POLR3B: variants seen among roughly 807,000 people sequenced by gnomAD.
POLR3B encodes DNA-directed RNA polymerase III subunit RPC2.
Under a neutral mutation model 147.4 loss-of-function variants are expected in POLR3B, and 96 were observed. The ratio of observed to expected loss-of-function variants is 0.65; its 90% CI spans 0.55 to 0.77. POLR3B has a LOEUF of 0.77. POLR3B is among the 30% of genes least tolerant of loss of function. The pLI, the probability that POLR3B is intolerant of heterozygous loss-of-function variation, is 0.00. For synonymous variants in POLR3B, 461 were observed against 485.9 expected (o/e 0.95, Z 0.67); for missense variants, 1,036 against 1,413.5 (o/e 0.73, Z 4.28).
intron 6 of POLR3B, among the ~76,000 whole-genome samples, chr12:106,374,079 C>T (rs2036645310): frequency 6.6e-6 from 1 of 151,906 alleles, no homozygotes; most frequent in Non-Finnish European, 1.5e-5. Flanking sequence ...TTTTGAAATG[C>T]ATACTTAACA....
chr12:106,427,179 CTT>C lies in POLR3B; in HGVS notation c.1102-4_1102-3del, dbSNP rs202125845. Reference sequence around the variant, plus strand: ...TGCTTTTTGAAAAATCACCATATACCTTTTTTTTTTTTTTTAGCTTTTATCTC... The same window carrying C: ...TGCTTTTTGAAAAATCACCATATACCTTTTTTTTTTTTTAGCTTTTATCTC... On this transcript the variant is annotated splice_polypyrimidine_tract_variant and intron_variant, in intron 12 of 27. Coordinates refer to ENST00000228347, the MANE Select transcript of POLR3B (RefSeq NM_018082.6). The C allele has an allele frequency of 0.04, 48,391 of 1,201,826 alleles. 16 individuals carry two copies. Among genetic ancestry groups the C allele is most frequent in the East Asian group, 0.17 (5,918 of 34,680 alleles). The allele number at this position is 1,201,826 out of a possible 1,614,324, so 74.4% of individuals were successfully genotyped here.
intron 7 of POLR3B, among the ~76,000 whole-genome samples, chr12:106,378,021 G>A (rs747507629): frequency 2.6e-5 from 4 of 152,194 alleles, no homozygotes; most frequent in Non-Finnish European, 5.9e-5. Context: ...TTAGCAGTCC[G>A]AGGTTGCAGT....
chr12:106,378,779 TAA>T (rs1364320032), intron 8 of POLR3B, among the ~76,000 whole-genome samples: 2 of 152,138 alleles, frequency 1.3e-5, no homozygotes, highest in East Asian at 3.8e-4. Context: ...ATTTGACACT[TAA>T]TATTGAATGA....
chr12:106,437,886 G>A, intron 18 of POLR3B, 107 bp downstream of exon 18: 1 of 723,616 alleles, frequency 1.4e-6, no homozygotes, highest in Non-Finnish European at 2.5e-6. Flanking sequence ...CTTTTGACAG[G>A]AACTGTTAGA....
At position 106,509,593 on chromosome 12, in the gene POLR3B, A is replaced by G; in HGVS notation, c.*44A>G. The G allele has an allele frequency of 6.4e-7, 1 of 1,555,236 alleles. No individual in the cohort carries two copies. Among genetic ancestry groups the G allele is most frequent in the East Asian group, 2.3e-5 (1 of 44,270 alleles). On this transcript the variant is annotated 3_prime_UTR_variant, in exon 28 of 28. Transcript: ENST00000228347. ...TTAAAGAGAACAAGTGATACATCCAATGCAACGGAAAGCAGAAGGGATTTA... is the reference window on the plus strand; with the variant it reads ...TTAAAGAGAACAAGTGATACATCCAGTGCAACGGAAAGCAGAAGGGATTTA...
At chr12:106,501,283 A>G (rs1463992032) in intron 25 of POLR3B, 40 bp from the exon 26 acceptor site, 1 of 1,309,198 alleles carries the variant, frequency 7.6e-7, no homozygotes, top group Non-Finnish European at 1.1e-6. Context: ...GTTAGCCCAA[A>G]CTTAGTTTCT....
At chr12:106,479,436 A>T (rs1187675787) in intron 23 of POLR3B, among the ~76,000 whole-genome samples, 1 of 149,288 alleles carries the variant, frequency 6.7e-6, no homozygotes, top group Non-Finnish European at 1.5e-5. Flanking sequence ...GCTGGAGTGC[A>T]GTGGCGCAAT....
intron 23 of POLR3B, among the ~76,000 whole-genome samples, chr12:106,476,684 C>T (rs2038175544): frequency 6.7e-6 from 1 of 149,504 alleles, no homozygotes; most frequent in African/African-American, 2.5e-5. Context: ...CTGCATTCTT[C>T]ACGTAGTTCT....
In POLR3B at chr12:106,378,476, A is replaced by G. The variant is rs951415979; in HGVS notation, c.614+92A>G. The G allele has an allele frequency of 4.1e-6, 3 of 736,250 alleles. No individual in the cohort carries two copies. The African/African-American group carries it at 5.3e-5, about 13-fold the overall frequency. 45.6% of individuals were successfully genotyped at this position (736,250 alleles called of 1,614,324 possible). A position where few individuals can be genotyped will look rare whatever the true frequency, so the allele number is the denominator to read the frequency against. ...TTCAATACAGAGGGAGCCAGTTATT[A>G]CCCTCTAAAAGCAGGCATTGTAATA... On this transcript the variant is annotated intron_variant, in intron 8 of 27. Coordinates refer to ENST00000228347, the MANE Select transcript of POLR3B (RefSeq NM_018082.6).
intron 7 of POLR3B, among the ~76,000 whole-genome samples, chr12:106,377,327 T>C (rs947942824): frequency 6.6e-6 from 1 of 152,212 alleles, no homozygotes; most frequent in Non-Finnish European, 1.5e-5. Flanking sequence ...CCTGTAAAGT[T>C]GCATTGTTTT....
At position 106,358,132 on chromosome 12, in the gene POLR3B, GAGTGA is replaced by G. The variant is rs139244819; in HGVS notation, c.72+184_72+188del. 329,798 of 1,480,626 alleles carry G rather than the reference GAGTGA, an allele frequency of 0.22. 38,558 individuals are homozygous for G. Among genetic ancestry groups the G allele is most frequent in the African/African-American group, 0.36 (25,934 of 71,418 alleles). 91.7% of individuals were successfully genotyped at this position (1,480,626 alleles called of 1,614,324 possible). A position where few individuals can be genotyped will look rare whatever the true frequency, so the allele number is the denominator to read the frequency against. On this transcript the variant is annotated intron_variant, in intron 1 of 27. Transcript: ENST00000228347. ...TTCCAGAGCCGGCCTCCGCGTGCGC[GAGTGA>G]AGGCTGATCCCAGAGGAGCTGTCAG...
chr12:106,491,558 A>G (rs945810552), intron 23 of POLR3B, among the ~76,000 whole-genome samples: 8 of 152,230 alleles, frequency 5.3e-5, no homozygotes, highest in Non-Finnish European at 8.8e-5. Flanking sequence ...ACTGTGCAGA[A>G]TAAATAGCCT....
At chr12:106,361,980 GTCC>G (rs141863601) in intron 1 of POLR3B, among the ~76,000 whole-genome samples, 1,756 of 152,300 alleles carry the variant, frequency 0.012, 34 homozygotes, top group African/African-American at 0.04. Flanking sequence ...GTAGGTCAGA[GTCC>G]TGACTATAAC....
At position 106,430,410 on chromosome 12, in the gene POLR3B, T is replaced by C; in HGVS notation, c.1401T>C (p.Gly467=). 1 of 1,613,698 alleles carries C rather than the reference T, an allele frequency of 6.2e-7. No homozygotes were observed. Among genetic ancestry groups the C allele is most frequent in the Non-Finnish European group, 8.5e-7 (1 of 1,179,894 alleles). Reference sequence around the variant, plus strand: ...TTGAAAAAACGAGAAAAGTGAGTGGTCCTCGCTCCCTCCAGCCATCTCAGT... The same window carrying C: ...TTGAAAAAACGAGAAAAGTGAGTGGCCCTCGCTCCCTCCAGCCATCTCAGT... ...SQFEKTRKVS[G]PRSLQPSQWG... Residue 467 remains glycine (G), a synonymous_variant, in exon 14 of 28, where the codon GGT becomes GGC. Coordinates refer to ENST00000228347, the MANE Select transcript of POLR3B (RefSeq NM_018082.6).
At chr12:106,419,398 A>G (rs962669640) in intron 12 of POLR3B, among the ~76,000 whole-genome samples, 1 of 152,222 alleles carries the variant, frequency 6.6e-6, no homozygotes, top group Non-Finnish European at 1.5e-5. Flanking sequence ...CACTTAGGAA[A>G]TTCCTTCTTT....
intron 23 of POLR3B, among the ~76,000 whole-genome samples, chr12:106,479,916 C>A (rs544783322): frequency 6.6e-6 from 1 of 151,524 alleles, no homozygotes; most frequent in East Asian, 1.9e-4. Flanking sequence ...TGGGCTCAAG[C>A]GATCCTTCCA....
Position 106,457,195 on chromosome 12 carries a change from A to G in POLR3B, c.2351A>G (p.Asn784Ser), listed in dbSNP as rs766728879. 25 of 1,612,962 alleles carry G rather than the reference A, an allele frequency of 1.5e-5. No homozygotes were observed. Among genetic ancestry groups the G allele is most frequent in the East Asian group, 2.2e-5 (1 of 44,880 alleles). The change falls in exon 21 of 28, where the codon AAT becomes AGT. Residue 784 changes from asparagine to serine, a missense_variant. By Grantham distance (46) the Asn-to-Ser change is conservative. This residue lies in a region of POLR3B where 202 missense variants were observed against 272.8 expected (regional missense o/e 0.74). Transcript: ENST00000228347. ...AAATGTACGTTGAAACGATACACCAATCAGACTTTTGATAAAGTGATGGGG... is the reference window on the plus strand; with the variant it reads ...AAATGTACGTTGAAACGATACACCAGTCAGACTTTTGATAAAGTGATGGGG... ...NAKCTLKRYT[N>S]QTFDKVMGPM...
chr12:106,413,460 G>A (rs2037256387), intron 12 of POLR3B, among the ~76,000 whole-genome samples: 1 of 151,946 alleles, frequency 6.6e-6, no homozygotes, highest in Non-Finnish European at 1.5e-5. Context: ...GTAAAAATGG[G>A]GTTCATGCCA....
At chr12:106,390,641 A>C (rs2036901627) in intron 9 of POLR3B, among the ~76,000 whole-genome samples, 1 of 150,990 alleles carries the variant, frequency 6.6e-6, no homozygotes, top group Admixed American at 6.6e-5. Context: ...ATCAAATTGG[A>C]GGTTAAAAAA....
Sources: gnomAD v4.1 joint callset for allele counts (sites outside exome capture counted in the v4.1 genomes callset) on GRCh38, gnomAD v4.1.1 for gene constraint, gnomAD v4.1.1 regional missense constraint, MANE v1.5 for transcripts, NCBI Gene and HGNC (gene_info 2026-07-23, HGNC 2026-07-21) for gene names.